Variants in STAC observed in about 807,000 individuals in gnomAD.
STAC encodes the protein SH3 and cysteine rich domain, also known as SH3 and cysteine-rich domain-containing protein.
A neutral mutation model predicts 48.8 loss-of-function variants in STAC; 43 were observed. That is an observed-to-expected ratio of 0.88 (90% CI 0.69 to 1.14). The LOEUF is 1.14. STAC is among the 50% of genes most tolerant of loss of function. The probability of loss-of-function intolerance (pLI) is 0.00; values close to 1 mark genes in which losing one functional copy is unlikely to be tolerated. For synonymous variants in STAC, 193 were observed against 179.5 expected (o/e 1.07, Z -0.60); for missense variants, 497 against 504.0 (o/e 0.99, Z 0.13).
intron 1 of STAC, among the ~76,000 whole-genome samples, chr3:36,388,130 T>C (rs1224857972): frequency 6.6e-6 from 1 of 152,176 alleles, no homozygotes; most frequent in Non-Finnish European, 1.5e-5. Flanking sequence ...AAGGCCTTCG[T>C]CCATTTTAAA....
Position 36,513,274 on chromosome 3 carries a change from C to G in STAC, c.920+7440C>G, listed in dbSNP as rs114644487. Among the ~76,000 whole-genome samples the G allele has an allele frequency of 4.5e-3, 684 of 152,298 alleles. 1 individual carries two copies. Among genetic ancestry groups the G allele is most frequent in the African/African-American group, 0.01 (417 of 41,550 alleles). ...CCTACCCCAGCAATGTACAGAGCAT[C>G]GCAGCTCTGCCCTCTCTTCCACAAA... On this transcript the variant is annotated intron_variant, in intron 8 of 10. Transcript: ENST00000273183.
intron 1 of STAC, among the ~76,000 whole-genome samples, chr3:36,415,996 A>G (rs1016881899): frequency 1.3e-5 from 2 of 152,284 alleles, no homozygotes; most frequent in Non-Finnish European, 1.5e-5. Flanking sequence ...GCTTTCTAGT[A>G]TGTCTTAAAA....
At position 36,481,205 on chromosome 3, in the gene STAC, C is replaced by T. The variant is rs79506611; in HGVS notation, c.389-1787C>T. On this transcript the variant is annotated intron_variant, in intron 2 of 10. Coordinates refer to ENST00000273183, the MANE Select transcript of STAC (RefSeq NM_003149.3). ...AGTATTCAAGGAACTATAAGAAGAC[C>T]ACATGGCTAAAGCATGGAGGGATTG... Among the ~76,000 whole-genome samples the T allele has an allele frequency of 6.9e-3, 1,042 of 152,098 alleles. 9 individuals carry two copies. Among genetic ancestry groups the T allele is most frequent in the African/African-American group, 0.024 (995 of 41,490 alleles).
chr3:36,495,417 C>T (rs920717158), intron 6 of STAC, among the ~76,000 whole-genome samples: 6 of 152,206 alleles, frequency 3.9e-5, no homozygotes, highest in Non-Finnish European at 7.3e-5. Context: ...TGGCTCTTCC[C>T]ACAGTTGTCT....
At chr3:36,408,333 T>C (rs1402575075) in intron 1 of STAC, among the ~76,000 whole-genome samples, 2 of 152,152 alleles carry the variant, frequency 1.3e-5, no homozygotes, top group African/African-American at 4.8e-5. Context: ...GCTCATCTCC[T>C]CCTACTCCTA....
intron 1 of STAC, among the ~76,000 whole-genome samples, chr3:36,415,469 G>T (rs1559482879): frequency 6.6e-6 from 1 of 152,222 alleles, no homozygotes; most frequent in Non-Finnish European, 1.5e-5. Flanking sequence ...TAATCTCCTG[G>T]TGTGCTGTTT....
chr3:36,529,204 C>T (rs1228324637), intron 10 of STAC: 2 of 349,160 alleles, frequency 5.7e-6, no homozygotes, highest in Middle Eastern at 8.5e-4. Flanking sequence ...ATAAACGAAA[C>T]GTGATAGTGG....
At chr3:36,541,459 A>C (rs1362047175) in intron 10 of STAC, among the ~76,000 whole-genome samples, 1 of 152,238 alleles carries the variant, frequency 6.6e-6, no homozygotes, top group African/African-American at 2.4e-5. Context: ...TGATTGATGC[A>C]GAACTAAGGT....
intron 10 of STAC, among the ~76,000 whole-genome samples, chr3:36,532,093 ACACAAATG>A (rs1337607931): frequency 6.6e-6 from 1 of 152,212 alleles, no homozygotes; most frequent in Non-Finnish European, 1.5e-5. Context: ...GCACATGTGT[ACACAAATG>A]CACACACACA....
At chr3:36,537,910 A>G (rs1425111428) in intron 10 of STAC, among the ~76,000 whole-genome samples, 1 of 152,056 alleles carries the variant, frequency 6.6e-6, no homozygotes, top group Non-Finnish European at 1.5e-5. Flanking sequence ...TTGCACCTAT[A>G]GAACCATTTT....
chr3:36,396,328 T>C (rs1268581841), intron 1 of STAC, among the ~76,000 whole-genome samples: 1 of 152,126 alleles, frequency 6.6e-6, no homozygotes, highest in Admixed American at 6.5e-5. Flanking sequence ...ATGAAGTTTC[T>C]TGGAAAAATA....
At chr3:36,444,809 G>T (rs901220975) in intron 2 of STAC, among the ~76,000 whole-genome samples, 2 of 152,194 alleles carry the variant, frequency 1.3e-5, no homozygotes, top group Non-Finnish European at 2.9e-5. Context: ...AGTCTGCTAA[G>T]TCTTGGCGCT....
At chr3:36,480,619 T>G (rs1697616545) in intron 2 of STAC, among the ~76,000 whole-genome samples, 1 of 151,798 alleles carries the variant, frequency 6.6e-6, no homozygotes, top group Non-Finnish European at 1.5e-5. Flanking sequence ...AATGAAAGAG[T>G]GAAACTAGGC....
In STAC at chr3:36,406,429, A is replaced by G. The variant is rs557466242; in HGVS notation, c.111+25675A>G. Among the ~76,000 whole-genome samples, 37 of 152,320 alleles carry G rather than the reference A, an allele frequency of 2.4e-4. 1 individual carries two copies. Among genetic ancestry groups the G allele is most frequent in the African/African-American group, 8.7e-4 (36 of 41,580 alleles). Reference sequence around the variant, plus strand: ...AAGAGCATGGGGCCTATACTCTCACATCTACCAGCTGTGCCTCCAAGGAAA... The same window carrying G: ...AAGAGCATGGGGCCTATACTCTCACGTCTACCAGCTGTGCCTCCAAGGAAA... On this transcript the variant is annotated intron_variant, in intron 1 of 10. Transcript: ENST00000273183.
chr3:36,451,183 A>G (rs1696667448), intron 2 of STAC, among the ~76,000 whole-genome samples: 1 of 152,090 alleles, frequency 6.6e-6, no homozygotes, highest in South Asian at 2.1e-4. Flanking sequence ...TCTTTTTAAT[A>G]GCTTCTCATC....
intron 6 of STAC, among the ~76,000 whole-genome samples, chr3:36,497,253 C>A (rs187676843): frequency 1.3e-5 from 2 of 152,266 alleles, no homozygotes; most frequent in Admixed American, 1.3e-4. Context: ...AGGTAAAGAT[C>A]TTTTTAAAGT....
At position 36,380,721 on chromosome 3, in the gene STAC, C is replaced by T; in HGVS notation, c.78C>T (p.Pro26=). 1 of 1,612,152 alleles carries T rather than the reference C, an allele frequency of 6.2e-7. No homozygotes were observed. Residue 26 remains proline, a synonymous_variant, in exon 1 of 11, where the codon CCC becomes CCT. Transcript: ENST00000273183. ...AGGCGGTGGGCGCCGAGCAACCGCCCTCTCCTGCATCCACCAGCAGCCAGG... is the reference window on the plus strand; with the variant it reads ...AGGCGGTGGGCGCCGAGCAACCGCCTTCTCCTGCATCCACCAGCAGCCAGG... The part of the protein sequence containing the change: ...PKEAVGAEQP[P]SPASTSSQES...
chr3:36,489,546 T>C (rs2125704111), intron 5 of STAC, among the ~76,000 whole-genome samples: 1 of 152,348 alleles, frequency 6.6e-6, no homozygotes, highest in African/African-American at 2.4e-5. Flanking sequence ...ATTAGTTATA[T>C]ATTGCTTAGT....
chr3:36,448,308 G>C (rs191787790), intron 2 of STAC, among the ~76,000 whole-genome samples: 2 of 152,082 alleles, frequency 1.3e-5, no homozygotes, highest in Admixed American at 1.3e-4. Flanking sequence ...TGCAACCTCC[G>C]TCTCCTGGGT....
Sources: gnomAD v4.1 joint callset for allele counts (sites outside exome capture counted in the v4.1 genomes callset) on GRCh38, gnomAD v4.1.1 for gene constraint, MANE v1.5 for transcripts, NCBI Gene and HGNC (gene_info 2026-07-23, HGNC 2026-07-21) for gene names.